Variants in ETS2 observed in about 807,000 individuals in gnomAD.
The protein encoded by ETS2 is ETS proto-oncogene 2, transcription factor.
ETS2 carries 19 observed loss-of-function variants against 54.9 expected under a neutral mutation model. The ratio of observed to expected loss-of-function variants is 0.35; its 90% CI spans 0.24 to 0.51. The LOEUF is 0.51. Among genes scored for constraint, ETS2 ranks in the 20% least tolerant of loss-of-function variants. The pLI is 0.97. For missense variants in ETS2, 417 were observed against 593.0 expected (o/e 0.70, Z 3.08); for synonymous variants, 219 against 229.3 (o/e 0.95, Z 0.41).
At chr21:38,818,788 C>T in intron 7 of ETS2, 142 bp downstream of exon 7, 3 of 948,164 alleles carry the variant, frequency 3.2e-6, no homozygotes, top group Non-Finnish European at 4.8e-6. Context: ...GGATTTCCAA[C>T]AAGCATACCC....
upstream of ETS2, chr21:38,805,920 G>A (rs1178606726): frequency 2.4e-6 from 3 of 1,247,450 alleles, no homozygotes; most frequent in African/African-American, 1.6e-5. The surrounding 1 kb of genome is among the most constrained non-coding windows in gnomAD (Gnocchi z 5.2). Context: ...GCCGCGTGGG[G>A]GACGGCCCGG....
chr21:38,822,433 T>TG (rs1194613293), intron 9 of ETS2, among the ~76,000 whole-genome samples: 3 of 152,128 alleles, frequency 2.0e-5, no homozygotes, highest in Non-Finnish European at 4.4e-5. Context: ...TTCACTGAGC[T>TG]GGGGCCAGGG....
chr21:38,821,768 A>G lies in ETS2; in HGVS notation c.1194+64A>G. The G allele has an allele frequency of 8.2e-7, 1 of 1,218,100 alleles. No individual in the cohort carries two copies. Among genetic ancestry groups the G allele is most frequent in the Non-Finnish European group, 1.2e-6 (1 of 824,648 alleles). The allele number at this position is 1,218,100 out of a possible 1,614,324, so 75.5% of individuals were successfully genotyped here. Reference sequence around the variant, plus strand: ...CCTGATTTCCTGCTTGCATTCAAAAACTCAGTTCTTTGGGCACAAAAAAGG... The same window carrying G: ...CCTGATTTCCTGCTTGCATTCAAAAGCTCAGTTCTTTGGGCACAAAAAAGG... On this transcript the variant is annotated intron_variant, in intron 9 of 9. Transcript: ENST00000360938. This position sits in a 1 kb window ranked among gnomAD's most constrained non-coding sequence, Gnocchi z 4.2.
At position 38,819,781 on chromosome 21, in the gene ETS2, C is replaced by G; in HGVS notation, c.1075+15C>G. The G allele has an allele frequency of 6.2e-7, 1 of 1,607,322 alleles. No individual in the cohort carries two copies. The highest frequency in any genetic ancestry group is 8.5e-7 in the Non-Finnish European group (1 of 1,176,964). On this transcript the variant is annotated intron_variant, in intron 8 of 9. Coordinates refer to ENST00000360938, the MANE Select transcript of ETS2 (RefSeq NM_005239.6). ...CGGCTTCACAGGTGTGTGTGGAACT[C>G]CGAGAGCCTGGCCGCCCAGTCTCCT... is the stretch of plus-strand genomic sequence containing the variant.
chr21:38,817,839 C>T (rs978155601), intron 6 of ETS2, among the ~76,000 whole-genome samples: 14 of 152,214 alleles, frequency 9.2e-5, no homozygotes, highest in African/African-American at 3.1e-4. Flanking sequence ...GTGAAGCCCA[C>T]CTCTCTGCCC....
At chr21:38,805,296 CT>C, upstream of ETS2, 2 of 1,225,876 alleles carry the variant, frequency 1.6e-6, no homozygotes, top group African/African-American at 1.6e-5. The surrounding 1 kb of genome is among the most constrained non-coding windows in gnomAD (Gnocchi z 5.2). Flanking sequence ...CATTTGGAGC[CT>C]TTTTGTGATA....
intron 5 of ETS2, among the ~76,000 whole-genome samples, chr21:38,815,921 G>A (rs368732997): frequency 3.6e-5 from 5 of 139,138 alleles, no homozygotes; most frequent in East Asian, 2.2e-4. Context: ...GCCTGTGGGA[G>A]TGAGACTCTG....
intron 7 of ETS2, 50 bp downstream of exon 7, chr21:38,818,696 C>G (rs10854389): frequency 0.33 from 532,214 of 1,599,280 alleles, 91,181 homozygotes; most frequent in South Asian, 0.36. Flanking sequence ...ATTCTGAGAA[C>G]CCCAGAGCCA....
chr21:38,822,279 G>A (rs2060961319), intron 9 of ETS2, among the ~76,000 whole-genome samples: 2 of 152,220 alleles, frequency 1.3e-5, no homozygotes, highest in Admixed American at 1.3e-4. Context: ...CAAGCATTGA[G>A]GAATGAGTAT....
chr21:38,805,191 C>A, upstream of ETS2: 1 of 556,476 alleles, frequency 1.8e-6, no homozygotes, highest in Non-Finnish European at 2.7e-6. The surrounding 1 kb of genome is among the most constrained non-coding windows in gnomAD (Gnocchi z 5.2). Context: ...GCGCCACTCC[C>A]GCGGAGCCTG....
At chr21:38,819,412 T>C in intron 7 of ETS2, 91 bp from the exon 8 acceptor site, 1 of 1,182,012 alleles carries the variant, frequency 8.5e-7, no homozygotes, top group East Asian at 2.3e-5. Flanking sequence ...GGTGCATGAT[T>C]GCACTGGTAG....
intron 2 of ETS2, among the ~76,000 whole-genome samples, 171 bp from the exon 3 acceptor site, chr21:38,812,832 G>T (rs1467262870): frequency 6.6e-6 from 1 of 152,090 alleles, no homozygotes; most frequent in Non-Finnish European, 1.5e-5. Flanking sequence ...CAGTCACTTT[G>T]ACCATTTTAC....
At chr21:38,813,926 A>G (rs1306012965) in intron 3 of ETS2, among the ~76,000 whole-genome samples, 1 of 152,244 alleles carries the variant, frequency 6.6e-6, no homozygotes, top group African/African-American at 2.4e-5. Flanking sequence ...CAAATGATAC[A>G]GTCCCTTCAG....
chr21:38,806,195 G>T lies in ETS2; in HGVS notation c.-1+75G>T. Reference sequence around the variant, plus strand: ...GGAGGGTCACCCGGGGCCTGGGCGGGGGTCGCGGGGGGCACTGACACGCAG... The same window carrying T: ...GGAGGGTCACCCGGGGCCTGGGCGGTGGTCGCGGGGGGCACTGACACGCAG... On this transcript the variant is annotated intron_variant, in intron 1 of 9. Transcript: ENST00000360938. This position sits in a 1 kb window ranked among gnomAD's most constrained non-coding sequence, Gnocchi z 4.3. 1 of 994,234 alleles carries T rather than the reference G, an allele frequency of 1.0e-6. No individual in the cohort carries two copies. Among genetic ancestry groups the T allele is most frequent in the Non-Finnish European group, 1.2e-6 (1 of 836,410 alleles). The allele number at this position is 994,234 out of a possible 1,614,324, so 61.6% of individuals were successfully genotyped here.
chr21:38,812,267 G>A (rs969731957), intron 2 of ETS2, among the ~76,000 whole-genome samples: 2 of 152,246 alleles, frequency 1.3e-5, no homozygotes, highest in Middle Eastern at 3.4e-3. Flanking sequence ...GTGCTCAGAC[G>A]GCCTTGTCAA....
At chr21:38,815,506 A>G (rs768052022) in intron 5 of ETS2, among the ~76,000 whole-genome samples, 1 of 152,170 alleles carries the variant, frequency 6.6e-6, no homozygotes, top group African/African-American at 2.4e-5. Context: ...AGAAATTGAT[A>G]TATATTTACA....
chr21:38,819,508 C>G lies in ETS2; in HGVS notation c.817C>G (p.Pro273Ala). Residue 273 changes from proline (P) to alanine (A), a missense_variant, in exon 8 of 10, where the codon CCC becomes GCC. This residue lies in a region of ETS2 where 326 missense variants were observed against 426.1 expected (regional missense o/e 0.76). Coordinates refer to ENST00000360938, the MANE Select transcript of ETS2 (RefSeq NM_005239.6). The stretch of plus-strand genomic sequence containing the variant: ...TGTTTGGTTGTCTTTGCCAGGGACT[C>G]CCAAAGACCACGACTCCCCTGAGAA... Reference protein sequence around the residue: ...LNLLTNNSGTPKDHDSPENGA... With the variant: ...LNLLTNNSGTAKDHDSPENGA... The G allele has an allele frequency of 6.2e-7, 1 of 1,613,696 alleles. No individual in the cohort carries two copies. Among genetic ancestry groups the G allele is most frequent in the Non-Finnish European group, 8.5e-7 (1 of 1,179,636 alleles).
upstream of ETS2, chr21:38,805,643 C>T (rs1569019308): frequency 1.8e-5 from 22 of 1,207,592 alleles, no homozygotes; most frequent in Non-Finnish European, 2.0e-5. The surrounding 1 kb of genome is among the most constrained non-coding windows in gnomAD (Gnocchi z 5.2). Context: ...TCAGCCCCGC[C>T]CCGCGCTCCC....
Position 38,822,772 on chromosome 21 carries a change from C to T in ETS2, c.1293C>T (p.His431=). 3.1e-6 allele frequency: 5 copies of T among 1,614,238 alleles called. No individual in the cohort carries two copies. Among genetic ancestry groups the T allele is most frequent in the Non-Finnish European group, 4.2e-6 (5 of 1,180,050 alleles). Residue 431 remains histidine, a synonymous_variant, in exon 10 of 10, where the codon CAC becomes CAT. Coordinates refer to ENST00000360938, the MANE Select transcript of ETS2 (RefSeq NM_005239.6). ...ACTATTACGACAAGAACATCATCCA[C>T]AAGACGTCGGGGAAGCGCTACGTGT... is the stretch of plus-strand genomic sequence containing the variant. ...LRYYYDKNII[H]KTSGKRYVYR... is the part of the protein sequence containing the mutation.
Sources: allele counts gnomAD v4.1 joint callset (sites outside exome capture counted in the v4.1 genomes callset), GRCh38; gene constraint gnomAD v4.1.1; regional missense constraint gnomAD v4.1.1; non-coding constraint Gnocchi (gnomAD v3.1); transcripts MANE v1.5; gene names NCBI Gene and HGNC (gene_info 2026-07-23, HGNC 2026-07-21).